The following HABP4 variants were observed in gnomAD, a reference collection of about 807,000 sequenced individuals.
The protein encoded by HABP4 is hyaluronan binding protein 4.
HABP4 carries 32 observed loss-of-function variants against 44.1 expected under a neutral mutation model. The observed-to-expected ratio is 0.73, with a 90% CI of 0.55 to 0.97. The LOEUF (loss-of-function observed/expected upper bound fraction) is 0.97. Among genes scored for constraint, HABP4 ranks in the 50% least tolerant of loss-of-function variants. The pLI is 0.00. For missense variants in HABP4, 503 were observed against 561.9 expected (o/e 0.90, Z 1.06); for synonymous variants, 216 against 218.0 (o/e 0.99, Z 0.08).
At chr9:96,481,067 C>T (rs1832868563) in intron 5 of HABP4, among the ~76,000 whole-genome samples, 1 of 152,036 alleles carries the variant, frequency 6.6e-6, no homozygotes, top group South Asian at 2.1e-4. Flanking sequence ...TTTGATTCCC[C>T]ACTCCCCACC....
rs958451369 is a variant in HABP4 at position 96,450,470 on chromosome 9, C to T, written c.191C>T (p.Ala64Val). Residue 64 changes from alanine (A) to valine (V), a missense_variant, in exon 1 of 8, where the codon GCG becomes GTG. Ala to Val is a moderately conservative substitution (Grantham distance 64). Coordinates refer to ENST00000375249, the MANE Select transcript of HABP4 (RefSeq NM_014282.4). The surrounding 1 kb of genome is among the most constrained non-coding windows in gnomAD (Gnocchi z 4.8). Reference protein sequence around the residue: ...QRKRRDEAAAAAGAGPRGGRS... With the variant: ...QRKRRDEAAAVAGAGPRGGRS... The stretch of plus-strand genomic sequence containing the variant: ...AAGAGGCGCGACGAGGCGGCGGCGG[C>T]GGCCGGGGCCGGTCCCCGCGGCGGC... The T allele has an allele frequency of 4.0e-5, 49 of 1,219,562 alleles. No individual in the cohort carries two copies. The highest frequency in any genetic ancestry group is 4.9e-5 in the Non-Finnish European group (48 of 977,592). The allele number at this position is 1,219,562 out of a possible 1,614,324, so 75.5% of individuals were successfully genotyped here.
chr9:96,475,626 T>C (rs1400946104), intron 5 of HABP4, among the ~76,000 whole-genome samples: 1 of 152,124 alleles, frequency 6.6e-6, no homozygotes, highest in Non-Finnish European at 1.5e-5. Context: ...CATACTCCTC[T>C]AGTGAGTGGT....
At position 96,450,426 on chromosome 9, in the gene HABP4, C is replaced by T. The variant is rs575444946; in HGVS notation, c.147C>T (p.Arg49=). 1.0e-5 allele frequency: 14 copies of T among 1,358,336 alleles called. No homozygotes were observed. In the African/African-American group the frequency reaches 1.8e-4, roughly 18 times the overall value. The allele number at this position is 1,358,336 out of a possible 1,614,324, so 84.1% of individuals were successfully genotyped here. The change falls in exon 1 of 8, where the codon CGC becomes CGT. Residue 49 remains arginine, a synonymous_variant. Transcript: ENST00000375249. The surrounding 1 kb of genome is among the most constrained non-coding windows in gnomAD (Gnocchi z 4.8). ...FDILREAERR[R]QQQLQRKRRD... Reference sequence around the variant, plus strand: ...TCCTGCGCGAGGCCGAGCGCCGGCGCCAGCAGCAGCTGCAGCGCAAGAGGC... The same window carrying T: ...TCCTGCGCGAGGCCGAGCGCCGGCGTCAGCAGCAGCTGCAGCGCAAGAGGC...
In HABP4 at chr9:96,465,707, T is replaced by C; in HGVS notation, c.675-3T>C. 1 of 1,586,040 alleles carries C rather than the reference T, an allele frequency of 6.3e-7. No homozygotes were observed. The highest frequency in any genetic ancestry group is 1.1e-5 in the South Asian group (1 of 90,514). On this transcript the variant is annotated splice_polypyrimidine_tract_variant and splice_region_variant and intron_variant, in intron 3 of 7. Transcript: ENST00000375249. The stretch of plus-strand genomic sequence containing the variant: ...TTTAAGGGACTATTCTTTCTTTCCG[T>C]AGAGCAGTCAGAACTGAAGACAACA...
intron 5 of HABP4, among the ~76,000 whole-genome samples, chr9:96,481,229 G>T (rs915045007): frequency 6.6e-6 from 1 of 151,824 alleles, no homozygotes; most frequent in Non-Finnish European, 1.5e-5. Context: ...GGATTACAGG[G>T]ATTACAGGCG....
intron 2 of HABP4, among the ~76,000 whole-genome samples, chr9:96,458,783 C>T (rs1222830009): frequency 1.3e-5 from 2 of 152,032 alleles, no homozygotes; most frequent in African/African-American, 2.4e-5. Flanking sequence ...CCACCACGCC[C>T]GGCTAATTTT....
chr9:96,456,716 C>T (rs1347300922), intron 1 of HABP4, among the ~76,000 whole-genome samples: 7 of 133,096 alleles, frequency 5.3e-5, no homozygotes, highest in Admixed American at 2.5e-4. Flanking sequence ...GCCGAGATGG[C>T]GCCGCTGTAC....
At chr9:96,450,137 G>A (rs892140181), upstream of HABP4, 2 of 813,206 alleles carry the variant, frequency 2.5e-6, no homozygotes, top group African/African-American at 3.7e-5. The surrounding 1 kb of genome is among the most constrained non-coding windows in gnomAD (Gnocchi z 4.8). Context: ...GCGGCGCCGC[G>A]GGGGCGGGCG....
intron 2 of HABP4, among the ~76,000 whole-genome samples, chr9:96,464,956 C>G (rs1471700683): frequency 6.6e-6 from 1 of 152,122 alleles, no homozygotes; most frequent in Non-Finnish European, 1.5e-5. Flanking sequence ...TATCAACATT[C>G]TCATTTTTTG....
chr9:96,475,198 A>C (rs1034303470), intron 5 of HABP4, among the ~76,000 whole-genome samples: 1 of 152,064 alleles, frequency 6.6e-6, no homozygotes, highest in African/African-American at 2.4e-5. Flanking sequence ...AACACGGTGA[A>C]ACCCAGTCTC....
intron 1 of HABP4, among the ~76,000 whole-genome samples, chr9:96,452,828 C>G (rs1490448069): frequency 7.5e-6 from 1 of 133,632 alleles, no homozygotes; most frequent in Non-Finnish European, 1.6e-5. Flanking sequence ...TTAGTGTAGA[C>G]AAAAATAAAA....
At chr9:96,458,155 T>C (rs1453692874) in intron 1 of HABP4, among the ~76,000 whole-genome samples, 1 of 152,200 alleles carries the variant, frequency 6.6e-6, no homozygotes, top group Non-Finnish European at 1.5e-5. Flanking sequence ...ATATACTTTC[T>C]AGGATATAGG....
chr9:96,488,352 AG>A lies in HABP4; in HGVS notation c.1185+81del. 1.1e-6 allele frequency: 1 copy of A among 914,154 alleles called. No individual in the cohort carries two copies. The highest frequency in any genetic ancestry group is 1.7e-5 in the South Asian group (1 of 59,802). 56.6% of individuals were successfully genotyped at this position (914,154 alleles called of 1,614,324 possible). A position where few individuals can be genotyped will look rare whatever the true frequency, so the allele number is the denominator to read the frequency against. ...TGGGCCCAGGATGGTCTAATTTCAG[AG>A]GGTCATGAGTTTCTGCAGTCACTTC... On this transcript the variant is annotated intron_variant, in intron 7 of 7. Transcript: ENST00000375249. This position sits in a 1 kb window ranked among gnomAD's most constrained non-coding sequence, Gnocchi z 4.6.
At chr9:96,473,771 GTGT>G (rs1832733467) in intron 5 of HABP4, among the ~76,000 whole-genome samples, 2 of 152,082 alleles carry the variant, frequency 1.3e-5, no homozygotes, top group South Asian at 2.1e-4. Context: ...GCTTTCACAA[GTGT>G]TGTTTCTTTG....
In HABP4 at chr9:96,484,630, T is replaced by C. The variant is rs145343527; in HGVS notation, c.996T>C (p.Asp332=). The C allele has an allele frequency of 1.4e-5, 21 of 1,539,758 alleles. No individual in the cohort carries two copies. The African/African-American group carries it at 2.6e-4, about 19-fold the overall frequency. Reference sequence around the variant, plus strand: ...TGATTCACAAGTCAAAATACAGAGATGATGTAAGCATTGCATTTCGTATGT... The same window carrying C: ...TGATTCACAAGTCAAAATACAGAGACGATGTAAGCATTGCATTTCGTATGT... ...AVVIHKSKYR[D]DMVKDDYEDD... is the part of the protein sequence containing the mutation. Residue 332 remains aspartate (D), a synonymous_variant, in exon 6 of 8, where the codon GAT becomes GAC. Coordinates refer to ENST00000375249, the MANE Select transcript of HABP4 (RefSeq NM_014282.4).
At chr9:96,479,978 C>T (rs1832848205) in intron 5 of HABP4, among the ~76,000 whole-genome samples, 1 of 152,012 alleles carries the variant, frequency 6.6e-6, no homozygotes, top group African/African-American at 2.4e-5. Flanking sequence ...CCAGCCTAGG[C>T]AACAAGTGAG....
In HABP4 at chr9:96,450,410, AG is replaced by A; in HGVS notation, c.133del (p.Ala45ProfsTer138). ...DESDPFDILR[E>X]AERRRQQQLQ... ...TCGGACCCGTTCGACATCCTGCGCG[AG>A]GCCGAGCGCCGGCGCCAGCAGCAGC... is the stretch of plus-strand genomic sequence containing the variant. On this transcript the variant is annotated frameshift_variant, in exon 1 of 8. Coordinates refer to ENST00000375249, the MANE Select transcript of HABP4 (RefSeq NM_014282.4). LOFTEE classifies it high-confidence loss of function. The surrounding 1 kb of genome is among the most constrained non-coding windows in gnomAD (Gnocchi z 4.8). 2.8e-6 allele frequency: 1 copy of A among 352,554 alleles called. No individual in the cohort carries two copies. The highest frequency in any genetic ancestry group is 5.3e-6 in the Non-Finnish European group (1 of 187,880). The allele number at this position is 352,554 out of a possible 1,614,324, so 21.8% of individuals were successfully genotyped here.
chr9:96,462,692 T>G (rs1397435611), intron 2 of HABP4, among the ~76,000 whole-genome samples: 1 of 151,892 alleles, frequency 6.6e-6, no homozygotes, highest in Non-Finnish European at 1.5e-5. Context: ...TTGGGAGGCC[T>G]AGGTAGGCGG....
chr9:96,451,378 G>A lies in HABP4; in HGVS notation c.349+750G>A, dbSNP rs959795023. The A allele has an allele frequency of 9.8e-6, 5 of 510,134 alleles. No individual in the cohort carries two copies. The South Asian group carries it at 2.5e-4, about 26-fold the overall frequency. The allele number at this position is 510,134 out of a possible 1,614,324, so 31.6% of individuals were successfully genotyped here. A position where few individuals can be genotyped will look rare whatever the true frequency, so the allele number is the denominator to read the frequency against. On this transcript the variant is annotated intron_variant, in intron 1 of 7. Coordinates refer to ENST00000375249, the MANE Select transcript of HABP4 (RefSeq NM_014282.4). ...GCGTGGTGTCCTGCTGCCTGTGGAC[G>A]GGGAGGGTGCTTCAGAGTTCATTCT...
Sources: gnomAD v4.1 joint callset for allele counts (sites outside exome capture counted in the v4.1 genomes callset) on GRCh38, gnomAD v4.1.1 for gene constraint, Gnocchi (gnomAD v3.1) non-coding constraint, MANE v1.5 for transcripts, NCBI Gene and HGNC (gene_info 2026-07-23, HGNC 2026-07-21) for gene names.